SAMD12: variants seen among roughly 807,000 people sequenced by gnomAD.
SAMD12 encodes sterile alpha motif domain-containing protein 12.
Under a neutral mutation model 15.0 loss-of-function variants are expected in SAMD12, and 9 were observed. That is an observed-to-expected ratio of 0.60 (90% confidence interval 0.36 to 1.05). The LOEUF is 1.05. SAMD12 is among the 50% of genes least tolerant of loss of function. The pLI is 0.01. For synonymous variants in SAMD12, 86 were observed against 90.1 expected (o/e 0.96, Z 0.25); for missense variants, 230 against 234.2 (o/e 0.98, Z 0.12).
intron 2 of SAMD12, among the ~76,000 whole-genome samples, chr8:118,532,255 G>A (rs975808070): frequency 5.3e-5 from 8 of 152,204 alleles, no homozygotes; most frequent in African/African-American, 1.9e-4. Flanking sequence ...ATTTGTGTAT[G>A]TTGAATCAGC....
the SAMD12 span, among the ~76,000 whole-genome samples, chr8:118,178,755 C>T: frequency 3.3e-5 from 5 of 152,296 alleles, no homozygotes; most frequent in East Asian, 3.9e-4. Flanking sequence ...CATGAGCCAC[C>T]GCCCCCGGCC....
chr8:118,457,932 G>A (rs1413473118), intron 2 of SAMD12, among the ~76,000 whole-genome samples: 3 of 152,140 alleles, frequency 2.0e-5, no homozygotes, highest in Non-Finnish European at 2.9e-5. Flanking sequence ...CCTCCTCTAG[G>A]GAGGATCATT....
chr8:118,195,685 G>A (rs926819803), exon 5 of SAMD12: 3 of 152,422 alleles, frequency 2.0e-5, no homozygotes, highest in Admixed American at 2.0e-4. Context: ...AAATGGTGGG[G>A]TGGTGATAAT....
the SAMD12 span, among the ~76,000 whole-genome samples, chr8:118,156,014 A>C: frequency 2.3e-4 from 35 of 152,312 alleles, no homozygotes; most frequent in Non-Finnish European, 4.3e-4. Context: ...AATATATAGC[A>C]TTATTGCATG....
intron 2 of SAMD12, among the ~76,000 whole-genome samples, chr8:118,481,056 C>T (rs1238742078): frequency 6.6e-6 from 1 of 152,214 alleles, no homozygotes; most frequent in African/African-American, 2.4e-5. Context: ...GATTCTCCTG[C>T]CTCAGCCTCC....
the SAMD12 span, among the ~76,000 whole-genome samples, chr8:118,177,975 G>T: frequency 1.3e-5 from 2 of 152,154 alleles, no homozygotes; most frequent in Non-Finnish European, 2.9e-5. Context: ...CGCAACCACT[G>T]TTCCTATGCT....
At position 118,256,001 on chromosome 8, in the gene SAMD12, T is replaced by A. The variant is rs188924219; in HGVS notation, c.434-58269A>T. The stretch of plus-strand genomic sequence containing the variant: ...GTAAAAGTGTTCCTATTTCTCCACA[T>A]CCTCTCCAGCACCTGTTGTTTCCTG... On this transcript the variant is annotated intron_variant, in intron 4 of 4. Coordinates refer to the SAMD12 transcript ENST00000409003. 6.3e-3 allele frequency among the ~76,000 whole-genome samples: 953 copies of A among 152,264 alleles called. 9 individuals are homozygous for A. Among genetic ancestry groups the A allele is most frequent in the Non-Finnish European group, 9.0e-3 (609 of 68,012 alleles).
intron 2 of SAMD12, among the ~76,000 whole-genome samples, chr8:118,563,510 AG>A (rs1207542202): frequency 1.3e-5 from 2 of 152,222 alleles, no homozygotes; most frequent in Admixed American, 1.3e-4. Context: ...ATAACTAACC[AG>A]ACACAACTTG....
chr8:118,280,100 T>C (rs1813579743), intron 4 of SAMD12, among the ~76,000 whole-genome samples: 1 of 151,986 alleles, frequency 6.6e-6, no homozygotes, highest in Non-Finnish European at 1.5e-5. Context: ...GGAGACAGAG[T>C]CCAATAAATG....
At chr8:118,620,270 T>C (rs1828359417) in intron 1 of SAMD12, among the ~76,000 whole-genome samples, 1 of 152,146 alleles carries the variant, frequency 6.6e-6, no homozygotes, top group South Asian at 2.1e-4. Context: ...TGTCACCTGA[T>C]GGGTGACATA....
chr8:118,530,155 T>C (rs1375180729), intron 2 of SAMD12, among the ~76,000 whole-genome samples: 1 of 152,202 alleles, frequency 6.6e-6, no homozygotes, highest in East Asian at 1.9e-4. Flanking sequence ...CGTATGTTTG[T>C]TGGCTGTTTG....
intron 4 of SAMD12, among the ~76,000 whole-genome samples, chr8:118,344,463 CTA>C (rs1353114379): frequency 6.6e-6 from 1 of 152,206 alleles, no homozygotes; most frequent in Non-Finnish European, 1.5e-5. Flanking sequence ...GTAGATATAA[CTA>C]TTCCCAGTTT....
At chr8:118,169,646 T>A in the SAMD12 span, among the ~76,000 whole-genome samples, 6 of 152,188 alleles carry the variant, frequency 3.9e-5, no homozygotes, top group Non-Finnish European at 7.3e-5. Context: ...CTGACCCCAA[T>A]GTTTCTTTCA....
chr8:118,363,969 A>G (rs2130648347), intron 4 of SAMD12, among the ~76,000 whole-genome samples: 1 of 152,364 alleles, frequency 6.6e-6, no homozygotes, highest in Non-Finnish European at 1.5e-5. Flanking sequence ...TAAAGTGAAG[A>G]TTTGGGAAAC....
intron 4 of SAMD12, among the ~76,000 whole-genome samples, chr8:118,297,886 C>T (rs1246808740): frequency 6.6e-6 from 1 of 152,096 alleles, no homozygotes; most frequent in Non-Finnish European, 1.5e-5. Context: ...CAGAACAAGT[C>T]AAATGCAGTG....
At chr8:118,521,624 A>G (rs941415112) in intron 2 of SAMD12, among the ~76,000 whole-genome samples, 3 of 151,858 alleles carry the variant, frequency 2.0e-5, no homozygotes, top group Non-Finnish European at 4.4e-5. Context: ...CGTGACCTTC[A>G]GCGCGTTCTA....
chr8:118,304,281 A>C (rs1815194338), intron 4 of SAMD12, among the ~76,000 whole-genome samples: 1 of 152,192 alleles, frequency 6.6e-6, no homozygotes, highest in African/African-American at 2.4e-5. Flanking sequence ...TTCTGTGAGA[A>C]AGTGTTTTGA....
chr8:118,598,174 C>G (rs942794988), intron 1 of SAMD12, among the ~76,000 whole-genome samples: 1 of 152,134 alleles, frequency 6.6e-6, no homozygotes, highest in African/African-American at 2.4e-5. Context: ...TAGTTTCATC[C>G]GAGAATCAAA....
At chr8:118,383,583 C>A (rs922641483) in intron 3 of SAMD12, among the ~76,000 whole-genome samples, 3 of 152,234 alleles carry the variant, frequency 2.0e-5, no homozygotes, top group African/African-American at 7.2e-5. Context: ...CCTTGCTCTG[C>A]GGTCCTCTGC....
Sources: gnomAD v4.1 joint callset for allele counts (sites outside exome capture counted in the v4.1 genomes callset) on GRCh38, gnomAD v4.1.1 for gene constraint, MANE v1.5 for transcripts, NCBI Gene and HGNC (gene_info 2026-07-23, HGNC 2026-07-21) for gene names.